The following CDYL variants were observed in gnomAD, a reference collection of about 807,000 sequenced individuals.
CDYL encodes the protein chromodomain Y like.
CDYL carries 8 observed loss-of-function variants against 47.3 expected under a neutral mutation model. That is an observed-to-expected ratio of 0.17 (90% CI 0.10 to 0.31). The LOEUF is 0.31. CDYL is among the 10% of genes least tolerant of loss of function. The pLI, the probability that CDYL is intolerant of heterozygous loss-of-function variation, is 1.00. For missense variants in CDYL, 471 were observed against 701.4 expected (o/e 0.67, Z 3.71); for synonymous variants, 266 against 265.0 (o/e 1.00, Z -0.04).
chr6:4,759,207 G>A (rs57992430), intron 3 of CDYL, among the ~76,000 whole-genome samples: 25,636 of 151,962 alleles, frequency 0.17, 3,067 homozygotes, highest in African/African-American at 0.34. Flanking sequence ...CTGACCTTGT[G>A]ATCCACGCGC....
chr6:4,728,955 G>C (rs1467549229), intron 2 of CDYL, among the ~76,000 whole-genome samples: 1 of 152,096 alleles, frequency 6.6e-6, no homozygotes, highest in African/African-American at 2.4e-5. Flanking sequence ...GGCTGGTCTG[G>C]GTTCTACTTC....
intron 3 of CDYL, among the ~76,000 whole-genome samples, chr6:4,745,021 T>A (rs962237257): frequency 1.3e-5 from 2 of 152,170 alleles, no homozygotes; most frequent in African/African-American, 4.8e-5. Flanking sequence ...TGCAGTGGCA[T>A]GATTATAGCT....
chr6:4,897,899 CA>C (rs111631974), intron 2 of CDYL, among the ~76,000 whole-genome samples: 9 of 148,926 alleles, frequency 6.0e-5, no homozygotes, highest in Non-Finnish European at 8.9e-5. Context: ...ACTAAAAATA[CA>C]AAAAAAATTA....
chr6:4,871,638 A>G (rs1022917534), intron 1 of CDYL, among the ~76,000 whole-genome samples: 7 of 152,144 alleles, frequency 4.6e-5, no homozygotes, highest in African/African-American at 1.7e-4. Context: ...GAGCCTGCAA[A>G]TATTGACTGT....
At chr6:4,888,698 A>G (rs2127482166) in intron 1 of CDYL, among the ~76,000 whole-genome samples, 1 of 152,068 alleles carries the variant, frequency 6.6e-6, no homozygotes, top group East Asian at 1.9e-4. Flanking sequence ...CCTAAGATAA[A>G]GGGTTAGGTT....
At chr6:4,783,198 G>T (rs1366105989) in intron 1 of CDYL, among the ~76,000 whole-genome samples, 1 of 137,568 alleles carries the variant, frequency 7.3e-6, no homozygotes. Flanking sequence ...TTTCTTAAGT[G>T]TATCCTTTAG....
chr6:4,857,790 G>T (rs992324937), intron 1 of CDYL, among the ~76,000 whole-genome samples: 3 of 152,158 alleles, frequency 2.0e-5, no homozygotes, highest in African/African-American at 7.2e-5. Flanking sequence ...TGTGTCCCAG[G>T]TCTTCCATTT....
chr6:4,905,174 C>T (rs148367884), intron 2 of CDYL, among the ~76,000 whole-genome samples: 8 of 152,270 alleles, frequency 5.3e-5, no homozygotes, highest in African/African-American at 1.7e-4. Flanking sequence ...CCTGGGTTTA[C>T]GTGACTAGGA....
At chr6:4,950,944 A>C (rs1209802872) in intron 5 of CDYL, among the ~76,000 whole-genome samples, 1 of 151,386 alleles carries the variant, frequency 6.6e-6, no homozygotes, top group African/African-American at 2.4e-5. Context: ...AAAAAAAAAA[A>C]AAAACTTGCA....
chr6:4,923,222 T>TC (rs1463932500), intron 2 of CDYL, among the ~76,000 whole-genome samples: 1 of 152,182 alleles, frequency 6.6e-6, no homozygotes, highest in Admixed American at 6.5e-5. Context: ...TTGACTCTTC[T>TC]CCCCCCACCC....
chr6:4,916,647 C>T (rs1299417189), intron 2 of CDYL, among the ~76,000 whole-genome samples: 2 of 152,214 alleles, frequency 1.3e-5, no homozygotes, highest in African/African-American at 2.4e-5. Context: ...CCTGCCTCCC[C>T]CTCTTTCAGT....
chr6:4,904,003 C>T (rs970163093), intron 2 of CDYL, among the ~76,000 whole-genome samples: 4 of 152,144 alleles, frequency 2.6e-5, no homozygotes, highest in African/African-American at 9.7e-5. Flanking sequence ...GAGCTCAGAG[C>T]CTGGCAGAAT....
intron 1 of CDYL, among the ~76,000 whole-genome samples, chr6:4,858,554 G>A (rs1032537633): frequency 6.6e-6 from 1 of 152,218 alleles, no homozygotes; most frequent in African/African-American, 2.4e-5. Context: ...ACGGGATCGA[G>A]CGCCACCCTG....
intron 3 of CDYL, among the ~76,000 whole-genome samples, chr6:4,736,575 G>A (rs1757707617): frequency 6.6e-6 from 1 of 152,124 alleles, no homozygotes; most frequent in East Asian, 1.9e-4. Context: ...TGCAGGGCTG[G>A]TTTGGTGGCC....
chr6:4,894,567 G>A (rs533248181), intron 2 of CDYL, among the ~76,000 whole-genome samples: 1 of 152,140 alleles, frequency 6.6e-6, no homozygotes, highest in Non-Finnish European at 1.5e-5. Context: ...CCATTACTAT[G>A]AATGAATGGA....
chr6:4,786,103 C>G (rs1758748488), intron 1 of CDYL, among the ~76,000 whole-genome samples: 1 of 152,078 alleles, frequency 6.6e-6, no homozygotes, highest in Admixed American at 6.5e-5. Context: ...TCATTTCCAC[C>G]CAAGTTCTCC....
intron 1 of CDYL, among the ~76,000 whole-genome samples, chr6:4,873,078 T>C (rs565586110): frequency 6.6e-6 from 1 of 152,352 alleles, no homozygotes; most frequent in East Asian, 1.9e-4. Context: ...GTTCTGTTTA[T>C]ACAATACACA....
chr6:4,842,339 C>T (rs1760527139), intron 1 of CDYL, among the ~76,000 whole-genome samples: 1 of 150,054 alleles, frequency 6.7e-6, no homozygotes, highest in African/African-American at 2.5e-5. Flanking sequence ...TCTTGATGAC[C>T]TGTCTAGTGC....
exon 2 of CDYL, chr6:4,715,813 G>A (rs371683698): frequency 3.1e-6 from 5 of 1,613,998 alleles, no homozygotes; most frequent in Non-Finnish European, 4.2e-6. Flanking sequence ...TCAGCCTGGG[G>A]AAAAAGCAGG....
Sources: allele counts gnomAD v4.1 joint callset (sites outside exome capture counted in the v4.1 genomes callset), GRCh38; gene constraint gnomAD v4.1.1; transcripts MANE v1.5; gene names NCBI Gene and HGNC (gene_info 2026-07-23, HGNC 2026-07-21).